GALNT13: variants seen among roughly 807,000 people sequenced by gnomAD.
GALNT13 encodes the protein polypeptide N-acetylgalactosaminyltransferase 13.
In GALNT13, 28 loss-of-function variants were observed where a neutral mutation model predicts 64.2. That is an observed-to-expected ratio of 0.44 (90% CI 0.32 to 0.60). The LOEUF (loss-of-function observed/expected upper bound fraction) is 0.60. Ranked by LOEUF, GALNT13 falls within the 20% of genes least tolerant of loss-of-function variation. The pLI is 0.05. For synonymous variants in GALNT13, 214 were observed against 224.6 expected (o/e 0.95, Z 0.42); for missense variants, 577 against 669.8 (o/e 0.86, Z 1.53).
chr2:154,305,390 A>AACAC (rs758453204), intron 9 of GALNT13, among the ~76,000 whole-genome samples: 3 of 150,750 alleles, frequency 2.0e-5, no homozygotes, highest in Non-Finnish European at 4.4e-5. Flanking sequence ...TGCACACACA[A>AACAC]ACACACACAC....
At chr2:153,101,797 A>G in the GALNT13 span, among the ~76,000 whole-genome samples, 1 of 152,238 alleles carries the variant, frequency 6.6e-6, no homozygotes, top group African/African-American at 2.4e-5. Flanking sequence ...TCATATAGAC[A>G]TATGCACGTG....
At chr2:154,136,602 T>G (rs1428213970) in intron 3 of GALNT13, among the ~76,000 whole-genome samples, 6 of 152,120 alleles carry the variant, frequency 3.9e-5, no homozygotes, top group Non-Finnish European at 8.8e-5. Flanking sequence ...TCTTTAACAC[T>G]GGGAATTCTA....
At chr2:153,603,441 T>TA in the GALNT13 span, among the ~76,000 whole-genome samples, 1 of 151,992 alleles carries the variant, frequency 6.6e-6, no homozygotes, top group Non-Finnish European at 1.5e-5. Flanking sequence ...TACCCAGATG[T>TA]TACCATATAC....
the GALNT13 span, among the ~76,000 whole-genome samples, chr2:153,649,031 G>C: frequency 6.6e-6 from 1 of 152,164 alleles, no homozygotes; most frequent in African/African-American, 2.4e-5. Context: ...AATAGTTTCA[G>C]AAAGAATGGT....
At chr2:153,144,150 G>T in the GALNT13 span, among the ~76,000 whole-genome samples, 1 of 151,952 alleles carries the variant, frequency 6.6e-6, no homozygotes, top group Non-Finnish European at 1.5e-5. Context: ...ATGGAAAGAA[G>T]GGTCATTGGA....
the GALNT13 span, among the ~76,000 whole-genome samples, chr2:153,699,356 T>C: frequency 6.6e-6 from 1 of 152,142 alleles, no homozygotes; most frequent in East Asian, 1.9e-4. Flanking sequence ...AGAGGGAAAT[T>C]TGTAGCACTA....
At chr2:154,242,615 T>G in intron 5 of GALNT13, 83 bp from the exon 6 acceptor site, 3 of 854,598 alleles carry the variant, frequency 3.5e-6, no homozygotes, top group Non-Finnish European at 5.6e-6. Flanking sequence ...TTCTGTGTGT[T>G]GAATTTCCAT....
At chr2:153,415,064 G>A in the GALNT13 span, among the ~76,000 whole-genome samples, 1 of 151,988 alleles carries the variant, frequency 6.6e-6, no homozygotes, top group Non-Finnish European at 1.5e-5. Flanking sequence ...TTTAGTCTTG[G>A]TTTCTTAATA....
chr2:153,205,793 A>G, the GALNT13 span, among the ~76,000 whole-genome samples: 1 of 152,068 alleles, frequency 6.6e-6, no homozygotes, highest in Non-Finnish European at 1.5e-5. Flanking sequence ...AAATTATTTA[A>G]TTTTACAACC....
intron 1 of GALNT13, among the ~76,000 whole-genome samples, chr2:153,884,340 A>T (rs1189913116): frequency 1.3e-5 from 2 of 151,490 alleles, no homozygotes; most frequent in African/African-American, 4.9e-5. Flanking sequence ...GATTCCAACC[A>T]CTCTCTGTGG....
At chr2:154,164,992 G>C (rs542161486) in intron 4 of GALNT13, among the ~76,000 whole-genome samples, 1 of 151,922 alleles carries the variant, frequency 6.6e-6, no homozygotes, top group African/African-American at 2.4e-5. Flanking sequence ...TCTTTAATAC[G>C]TTAAGAAACA....
the GALNT13 span, among the ~76,000 whole-genome samples, chr2:153,696,608 ATAGAG>A: frequency 8.7e-6 from 1 of 114,650 alleles, no homozygotes; most frequent in South Asian, 2.4e-4. Context: ...TACTAATAAA[ATAGAG>A]TAATTACAAC....
chr2:153,883,096 T>A (rs1553450340), intron 1 of GALNT13, among the ~76,000 whole-genome samples: 186 of 146,752 alleles, frequency 1.3e-3, no homozygotes, highest in African/African-American at 4.4e-3. Context: ...TATATATATA[T>A]AATTCTTGAA....
chr2:153,150,416 T>C, the GALNT13 span, among the ~76,000 whole-genome samples: 1 of 152,108 alleles, frequency 6.6e-6, no homozygotes. Context: ...TCTCCCATTC[T>C]GTAGGTTGCC....
chr2:153,251,445 C>G, the GALNT13 span, among the ~76,000 whole-genome samples: 1 of 152,200 alleles, frequency 6.6e-6, no homozygotes, highest in Middle Eastern at 3.4e-3. Context: ...GAAACTCTAA[C>G]ACTCTAACAG....
At chr2:154,158,119 A>C (rs1167057427) in intron 4 of GALNT13, among the ~76,000 whole-genome samples, 1 of 152,146 alleles carries the variant, frequency 6.6e-6, no homozygotes, top group Non-Finnish European at 1.5e-5. Flanking sequence ...CTCCCCTGAT[A>C]TCGAGAATTG....
the GALNT13 span, among the ~76,000 whole-genome samples, chr2:153,747,346 C>T: frequency 6.6e-6 from 1 of 151,620 alleles, no homozygotes; most frequent in Non-Finnish European, 1.5e-5. Context: ...CCACATCCCA[C>T]CCCCTGAAAC....
intron 1 of GALNT13, among the ~76,000 whole-genome samples, chr2:153,895,225 G>A (rs781350085): frequency 1.3e-5 from 2 of 152,036 alleles, no homozygotes; most frequent in African/African-American, 2.4e-5. Flanking sequence ...CTATAAATTG[G>A]TGATGAGACC....
the GALNT13 span, among the ~76,000 whole-genome samples, chr2:153,252,460 A>C: frequency 4.2e-5 from 6 of 142,576 alleles, no homozygotes; most frequent in Non-Finnish European, 7.6e-5. Context: ...TGCTGTGCAG[A>C]AGCTCTTTAG....
Sources: allele counts gnomAD v4.1 joint callset (sites outside exome capture counted in the v4.1 genomes callset), GRCh38; gene constraint gnomAD v4.1.1; transcripts MANE v1.5; gene names NCBI Gene and HGNC (gene_info 2026-07-23, HGNC 2026-07-21).